BBS2: variants seen among roughly 807,000 people sequenced by gnomAD.
BBS2 encodes the protein BBSome complex member BBS2.
In BBS2, 62 loss-of-function variants were observed where a neutral mutation model predicts 83.0. That is an observed-to-expected ratio of 0.75 (90% confidence interval 0.61 to 0.92). The LOEUF is 0.92. BBS2 is among the 40% of genes least tolerant of loss of function. BBS2 has a pLI of 0.00. For missense variants in BBS2, 784 were observed against 901.0 expected, an observed-to-expected ratio of 0.87 and a Z score of 1.66; for synonymous variants, 303 against 326.1, an observed-to-expected ratio of 0.93 and a Z score of 0.76.
intron 3 of BBS2, 104 bp downstream of exon 3, chr16:56,511,055 C>A: frequency 6.3e-7 from 1 of 1,576,372 alleles, no homozygotes. Flanking sequence ...TTTTTTAATG[C>A]ACAGAATTAT....
At chr16:56,516,522 G>C (rs559021326) in intron 1 of BBS2, among the ~76,000 whole-genome samples, 1 of 151,946 alleles carries the variant, frequency 6.6e-6, no homozygotes, top group Non-Finnish European at 1.5e-5. Flanking sequence ...TCAGCCTCCC[G>C]AGTAGCTGGG....
intron 13 of BBS2, among the ~76,000 whole-genome samples, 162 bp downstream of exon 13, chr16:56,498,270 TAAAAC>T (rs1178223652): frequency 1.3e-5 from 2 of 151,988 alleles, no homozygotes; most frequent in East Asian, 1.9e-4. Flanking sequence ...GTGAAAAAAA[TAAAAC>T]AAAACGTGGT....
chr16:56,471,028 A>C (rs79975550), intron 17 of BBS2, among the ~76,000 whole-genome samples: 1 of 152,114 alleles, frequency 6.6e-6, no homozygotes, highest in Non-Finnish European at 1.5e-5. Flanking sequence ...AGTGCTATGC[A>C]AAACATTGTA....
At chr16:56,493,264 T>C (rs1393568045) in intron 15 of BBS2, among the ~76,000 whole-genome samples, 4 of 151,888 alleles carry the variant, frequency 2.6e-5, no homozygotes, top group Non-Finnish European at 4.4e-5. Context: ...CTCATGCCTT[T>C]AGTCCCATCT....
In BBS2 at chr16:56,510,003, C is replaced by T. The variant is rs183275652; in HGVS notation, c.566G>A (p.Arg189Gln). ...CACAATCTCATCTTCCTTAAAAACTCGGATATCAAAATCCTCAGATCCAAC... is the reference window on the plus strand; with the variant it reads ...CACAATCTCATCTTCCTTAAAAACTTGGATATCAAAATCCTCAGATCCAAC... ...LLVGSEDFDI[R>Q]VFKEDEIVAE... Residue 189 changes from arginine (R) to glutamine (Q), a missense_variant, in exon 5 of 17, where the codon CGA becomes CAA. By Grantham distance (43) the Arg-to-Gln change is conservative. Transcript: ENST00000245157. 4 of 1,614,070 alleles carry T rather than the reference C, an allele frequency of 2.5e-6. No homozygotes were observed. The highest frequency in any genetic ancestry group is 8.5e-7 in the Non-Finnish European group (1 of 1,180,004).
chr16:56,471,951 T>TTG (rs1372936228), intron 17 of BBS2, among the ~76,000 whole-genome samples: 3 of 141,306 alleles, frequency 2.1e-5, no homozygotes, highest in Admixed American at 7.0e-5. Context: ...ACTTATCCAC[T>TTG]TCTGTTTGTT....
At position 56,496,486 on chromosome 16, in the gene BBS2, T is replaced by G. The variant is rs890422796; in HGVS notation, c.1910+481A>C. 1.8e-4 allele frequency among the ~76,000 whole-genome samples: 28 copies of G among 152,234 alleles called. 1 individual carries two copies. Among genetic ancestry groups the G allele is most frequent in the Admixed American group, 1.6e-3 (25 of 15,284 alleles). ...CCAAACTATAGTTTACTCTTTTCTC[T>G]AACTATACACACGGATACATTTTAT... On this transcript the variant is annotated intron_variant, in intron 15 of 16. Coordinates refer to ENST00000245157, the MANE Select transcript of BBS2 (RefSeq NM_031885.5).
chr16:56,498,398 TC>T (rs764808667), intron 13 of BBS2, 38 bp downstream of exon 13: 1 of 1,610,884 alleles, frequency 6.2e-7, no homozygotes, highest in Non-Finnish European at 8.5e-7. Flanking sequence ...ATAAATAAAT[TC>T]AAAAAAGAAA....
chr16:56,511,002 T>C (rs1964561195), intron 3 of BBS2, 81 bp from the exon 4 acceptor site: 1 of 1,573,324 alleles, frequency 6.4e-7, no homozygotes, highest in Non-Finnish European at 8.7e-7. Flanking sequence ...AAGGAGAGGA[T>C]TACACAAAAC....
At chr16:56,479,542 CAT>C (rs1295228047), downstream of BBS2, among the ~76,000 whole-genome samples, 1 of 152,202 alleles carries the variant, frequency 6.6e-6, no homozygotes, top group East Asian at 1.9e-4. Flanking sequence ...GAGGTAATAA[CAT>C]GTAATATCTA....
intron 15 of BBS2, among the ~76,000 whole-genome samples, chr16:56,491,115 C>T (rs1963939151): frequency 6.6e-6 from 1 of 152,114 alleles, no homozygotes. Flanking sequence ...AAATGACAAA[C>T]TCCGGAAAAC....
In BBS2 at chr16:56,502,313, C is replaced by T. The variant is rs376829487; in HGVS notation, c.1080+4G>A. ...TACCTGGTCACATTAGGACCTACAC[C>T]TACCTTGGCATTTTCCTCATAGTTA... On this transcript the variant is annotated splice_donor_region_variant and intron_variant, in intron 9 of 16. Coordinates refer to ENST00000245157, the MANE Select transcript of BBS2 (RefSeq NM_031885.5). The T allele has an allele frequency of 1.2e-6, 2 of 1,614,058 alleles. No homozygotes were observed. The highest frequency in any genetic ancestry group is 1.7e-6 in the Non-Finnish European group (2 of 1,180,028).
Position 56,519,770 on chromosome 16 carries a change from C to G in BBS2, c.93G>C (p.Leu31=), listed in dbSNP as rs771794846. Reference sequence around the variant, plus strand: ...CCTTGCCCGTTTGGGTGGCGGCCGCCAGGCACGGGTGAGTCCCGTCGTAGC... The same window carrying G: ...CCTTGCCCGTTTGGGTGGCGGCCGCGAGGCACGGGTGAGTCCCGTCGTAGC... ...IGRYDGTHPC[L]AAATQTGKVF... Residue 31 remains leucine (L), a synonymous_variant, in exon 1 of 17, where the codon CTG becomes CTC. Coordinates refer to ENST00000245157, the MANE Select transcript of BBS2 (RefSeq NM_031885.5). The G allele has an allele frequency of 6.2e-7, 1 of 1,613,310 alleles. No homozygotes were observed. The highest frequency in any genetic ancestry group is 1.3e-5 in the African/African-American group (1 of 74,916).
chr16:56,500,609 A>G (rs1964241467), intron 11 of BBS2: 2 of 463,568 alleles, frequency 4.3e-6, no homozygotes, highest in Admixed American at 3.5e-5. Flanking sequence ...TGGGTGACAA[A>G]GCTAGAATCT....
At chr16:56,507,354 A>G (rs2144167363) in intron 5 of BBS2, among the ~76,000 whole-genome samples, 1 of 152,350 alleles carries the variant, frequency 6.6e-6, no homozygotes, top group Non-Finnish European at 1.5e-5. Flanking sequence ...AAGTCCCCTC[A>G]AATCCCTAAC....
intron 17 of BBS2, chr16:56,478,142 A>G (rs1385681866): frequency 6.6e-6 from 1 of 152,224 alleles, no homozygotes; most frequent in African/African-American, 2.4e-5. Context: ...ATTTTACACC[A>G]TACTATTTTG....
At chr16:56,504,251 C>G (rs1964363723) in intron 7 of BBS2, among the ~76,000 whole-genome samples, 1 of 152,240 alleles carries the variant, frequency 6.6e-6, no homozygotes, top group African/African-American at 2.4e-5. Flanking sequence ...CCCTCTAACT[C>G]AGACTGACCT....
intron 15 of BBS2, among the ~76,000 whole-genome samples, chr16:56,491,725 C>CAAAAAAAA (rs773397021): frequency 7.9e-4 from 34 of 43,100 alleles, no homozygotes; most frequent in Admixed American, 1.1e-3. Context: ...AACTCAACAG[C>CAAAAAAAA]AAAAAAAAAA....
chr16:56,489,704 G>GCAGGAGAATGGCTTGAAC (rs1177339630), intron 15 of BBS2, among the ~76,000 whole-genome samples: 3 of 152,108 alleles, frequency 2.0e-5, no homozygotes, highest in Non-Finnish European at 2.9e-5. Flanking sequence ...GGAGGCTGAA[G>GCAGGAGAATGGCTTGAAC]CAGGAGAATG....
Sources: gnomAD v4.1 joint callset for allele counts (sites outside exome capture counted in the v4.1 genomes callset) on GRCh38, gnomAD v4.1.1 for gene constraint, MANE v1.5 for transcripts, NCBI Gene and HGNC (gene_info 2026-07-23, HGNC 2026-07-21) for gene names.